The following ARRDC2 variants were observed in gnomAD, a reference collection of about 807,000 sequenced individuals.
ARRDC2 encodes arrestin domain-containing protein 2.
In ARRDC2, 39 loss-of-function variants were observed where a neutral mutation model predicts 38.9. The observed-to-expected ratio is 1.00, with a 90% confidence interval of 0.78 to 1.31. ARRDC2 has a LOEUF of 1.31. Ranked by LOEUF, ARRDC2 falls within the 50% of genes most tolerant of loss-of-function variation. The pLI is 0.00. For synonymous variants in ARRDC2, 300 were observed against 261.9 expected (o/e 1.15, Z -1.41); for missense variants, 553 against 588.4 (o/e 0.94, Z 0.62).
chr19:18,008,128 C>A (rs896124591), upstream of ARRDC2: 17 of 1,037,404 alleles, frequency 1.6e-5, no homozygotes, highest in African/African-American at 8.9e-5. Flanking sequence ...CCCACCCCCC[C>A]CCGCCCTGCC....
intron 1 of ARRDC2, 56 bp downstream of exon 1, chr19:18,008,640 C>T (rs954567777): frequency 3.1e-6 from 5 of 1,601,488 alleles, no homozygotes; most frequent in South Asian, 1.1e-5. Flanking sequence ...ACCACCTGGA[C>T]GGCGGTACCT....
chr19:18,011,198 A>G (rs1475886712), intron 7 of ARRDC2, among the ~76,000 whole-genome samples: 2 of 152,146 alleles, frequency 1.3e-5, no homozygotes, highest in Admixed American at 6.6e-5. Context: ...GGGTTTCACC[A>G]TGTTGGTCAG....
At chr19:18,003,011 A>T (rs1216394758) in intron 1 of ARRDC2, among the ~76,000 whole-genome samples, 1 of 152,134 alleles carries the variant, frequency 6.6e-6, no homozygotes, top group Non-Finnish European at 1.5e-5. Context: ...GCTGAGGCAG[A>T]ATTGCTTGAA....
At chr19:18,010,069 G>A in intron 5 of ARRDC2, 30 bp downstream of exon 5, 1 of 1,604,522 alleles carries the variant, frequency 6.2e-7, no homozygotes, top group Non-Finnish European at 8.5e-7. Flanking sequence ...CTGGGGGACA[G>A]TGCCTACATT....
chr19:18,005,382 G>A (rs1453033309), upstream of ARRDC2, among the ~76,000 whole-genome samples: 1 of 152,108 alleles, frequency 6.6e-6, no homozygotes, highest in Non-Finnish European at 1.5e-5. Flanking sequence ...AGTCTCCCAT[G>A]TCTACCTCTT....
At position 18,008,565 on chromosome 19, in the gene ARRDC2, C is replaced by A; in HGVS notation, c.255C>A (p.Arg85=). Residue 85 remains arginine, a synonymous_variant, in exon 1 of 8, where the codon CGC becomes CGA. Transcript: ENST00000222250. The part of the protein sequence containing the change: ...YSERVEVVSH[R]ATLLAPDTGE... ...AACGCGTGGAGGTCGTGAGCCACCG[C>A]GCCACGCTCCTGGCGCCAGGTACGG... 6.3e-7 allele frequency: 1 copy of A among 1,579,022 alleles called. No homozygotes were observed. Among genetic ancestry groups the A allele is most frequent in the South Asian group, 1.1e-5 (1 of 89,344 alleles).
rs1346532390 is a variant in ARRDC2 at position 18,008,528 on chromosome 19, A to T, written c.218A>T (p.Gln73Leu). The change falls in exon 1 of 8, where the codon CAG (glutamine) becomes CTG (leucine). Residue 73 changes from glutamine to leucine, a missense_variant. Physicochemically the swap from Gln to Leu is moderately radical, Grantham distance 113. Transcript: ENST00000222250. ...GCGGGCTCGAGCACGGCTTACACGC[A>T]GAGCTACAGTGAACGCGTGGAGGTC... ...RSAGSSTAYTQSYSERVEVVS... is the reference protein window; with the variant it reads ...RSAGSSTAYTLSYSERVEVVS... 1 of 1,547,544 alleles carries T rather than the reference A, an allele frequency of 6.5e-7. No individual in the cohort carries two copies. The highest frequency in any genetic ancestry group is 8.7e-7 in the Non-Finnish European group (1 of 1,154,216).
At chr19:18,004,472 C>G (rs931539436), upstream of ARRDC2, among the ~76,000 whole-genome samples, 2 of 150,476 alleles carry the variant, frequency 1.3e-5, no homozygotes, top group Admixed American at 1.3e-4. Flanking sequence ...GTCTCGAACT[C>G]CTGACCTCAG....
At chr19:18,012,064 C>T (rs1043802430) in intron 7 of ARRDC2, among the ~76,000 whole-genome samples, 1 of 146,638 alleles carries the variant, frequency 6.8e-6, no homozygotes, top group Non-Finnish European at 1.5e-5. Flanking sequence ...TCAAGCAATT[C>T]TCCCTGTCTT....
chr19:18,009,690 C>T lies in ARRDC2; in HGVS notation c.588C>T (p.Thr196=), dbSNP rs776320018. ...CCAAGATCGACCGCAAGGGCTACAC[C>T]CCAGGTAGCAGGCGGACCGGACTGG... ...LSAKIDRKGY[T]PGEVIPVFAE... is the part of the protein sequence containing the mutation. The change falls in exon 4 of 8, where the codon ACC becomes ACT. Residue 196 remains threonine, a synonymous_variant. Transcript: ENST00000222250. 8 of 1,612,040 alleles carry T rather than the reference C, an allele frequency of 5.0e-6. No homozygotes were observed. The highest frequency in any genetic ancestry group is 1.3e-5 in the African/African-American group (1 of 74,998).
chr19:18,003,107 A>G (rs2033209685), intron 1 of ARRDC2, among the ~76,000 whole-genome samples: 1 of 151,910 alleles, frequency 6.6e-6, no homozygotes, highest in Admixed American at 6.6e-5. Context: ...CTCAAAAACA[A>G]AAACAAAAAC....
intron 7 of ARRDC2, among the ~76,000 whole-genome samples, chr19:18,012,013 G>C: frequency 7.4e-6 from 1 of 134,640 alleles, no homozygotes; most frequent in Non-Finnish European, 1.5e-5. Context: ...CTGGAGTGAA[G>C]TGGCACAATC....
At chr19:18,010,441 C>A in intron 6 of ARRDC2, 83 bp downstream of exon 6, 3 of 1,556,958 alleles carry the variant, frequency 1.9e-6, no homozygotes, top group Non-Finnish European at 8.7e-7. Flanking sequence ...CACCACGAGT[C>A]CCCCGGAATC....
chr19:18,007,673 A>C (rs1340728862), upstream of ARRDC2: 1 of 155,660 alleles, frequency 6.4e-6, no homozygotes, highest in African/African-American at 2.4e-5. Flanking sequence ...GGGGTGCAGC[A>C]GGCACCAGTG....
At chr19:18,001,855 T>C (rs893474494) in intron 1 of ARRDC2, among the ~76,000 whole-genome samples, 1 of 152,114 alleles carries the variant, frequency 6.6e-6, no homozygotes, top group Non-Finnish European at 1.5e-5. Context: ...GGAAGATCGC[T>C]TGAGCCTGGG....
At chr19:18,005,395 T>C (rs1307952482), upstream of ARRDC2, among the ~76,000 whole-genome samples, 1 of 152,158 alleles carries the variant, frequency 6.6e-6, no homozygotes, top group Non-Finnish European at 1.5e-5. Context: ...TACCTCTTTC[T>C]ACACAGACAC....
At chr19:18,009,156 T>C (rs1166881404) in intron 3 of ARRDC2, 38 bp downstream of exon 3, 4 of 1,606,864 alleles carry the variant, frequency 2.5e-6, no homozygotes, top group African/African-American at 2.7e-5. Flanking sequence ...TTGGGAGTAT[T>C]GTAGGAAGGG....
At chr19:18,006,402 A>C (rs1424962892), upstream of ARRDC2, among the ~76,000 whole-genome samples, 1 of 152,200 alleles carries the variant, frequency 6.6e-6, no homozygotes, top group Admixed American at 6.5e-5. Context: ...AGGCTGGTGG[A>C]TCACTCGAGG....
Position 18,010,001 on chromosome 19 carries a change from C to T in ARRDC2, c.811C>T (p.Leu271=). The T allele has an allele frequency of 1.2e-6, 2 of 1,601,612 alleles. No individual in the cohort carries two copies. The highest frequency in any genetic ancestry group is 1.7e-6 in the Non-Finnish European group (2 of 1,179,556). The change falls in exon 5 of 8, where the codon CTG becomes TTG. Residue 271 remains leucine, a synonymous_variant. Coordinates refer to ENST00000222250, the MANE Select transcript of ARRDC2 (RefSeq NM_015683.2). ...GATCCCCCCAGTGGGTCCTTCCATC[C>T]TGCACTGCCGCGTTCTACACGTGGA... is the stretch of plus-strand genomic sequence containing the variant. The part of the protein sequence containing the change: ...LRIPPVGPSI[L]HCRVLHVDYA...
Sources: allele counts gnomAD v4.1 joint callset (sites outside exome capture counted in the v4.1 genomes callset), GRCh38; gene constraint gnomAD v4.1.1; transcripts MANE v1.5; gene names NCBI Gene and HGNC (gene_info 2026-07-23, HGNC 2026-07-21).